The following HSDL2 variants were observed in gnomAD, a reference collection of about 807,000 sequenced individuals.
HSDL2 encodes hydroxysteroid dehydrogenase like 2, also known as hydroxysteroid dehydrogenase-like protein 2.
A neutral mutation model predicts 46.3 loss-of-function variants in HSDL2; 27 were observed. That is an observed-to-expected ratio of 0.58 (90% CI 0.43 to 0.80). HSDL2 has a LOEUF of 0.80. Among genes scored for constraint, HSDL2 ranks in the 30% least tolerant of loss-of-function variants. HSDL2 has a pLI of 0.00. For synonymous variants in HSDL2, 153 were observed against 163.6 expected (o/e 0.94, Z 0.50); for missense variants, 451 against 502.7 (o/e 0.90, Z 0.98).
chr9:112,413,936 A>C, intron 4 of HSDL2: 1 of 203,444 alleles, frequency 4.9e-6, no homozygotes, highest in South Asian at 6.8e-5. Flanking sequence ...GACGTTCTGT[A>C]TTTGTCCCGG....
At position 112,402,815 on chromosome 9, in the gene HSDL2, GGAGGCTGAAGCAGGAGAATTGTTT is replaced by G. The variant is rs1030604157; in HGVS notation, c.18-1158_18-1135del. On this transcript the variant is annotated intron_variant, in intron 1 of 10. Coordinates refer to ENST00000398805, the MANE Select transcript of HSDL2 (RefSeq NM_032303.5). ...CCACGCCTGTAGTCCCAGCTACTTG[GGAGGCTGAAGCAGGAGAATTGTTT>G]GAGGCTGAAGCAGGAGAATTGCTTG... Among the ~76,000 whole-genome samples, 13 of 152,200 alleles carry G rather than the reference GGAGGCTGAAGCAGGAGAATTGTTT, an allele frequency of 8.5e-5. No homozygotes were observed. The East Asian group carries it at 1.6e-3, about 18-fold the overall frequency.
intron 9 of HSDL2, among the ~76,000 whole-genome samples, chr9:112,457,263 A>C (rs1833060292): frequency 6.6e-6 from 1 of 152,236 alleles, no homozygotes; most frequent in Non-Finnish European, 1.5e-5. Context: ...GCAGGATTAT[A>C]CTTTGGTTGT....
intron 1 of HSDL2, among the ~76,000 whole-genome samples, chr9:112,381,088 T>TACACACACACACAC (rs111459650): frequency 0.093 from 12,516 of 134,070 alleles, 626 homozygotes; most frequent in Admixed American, 0.11. Context: ...TACATCCGGA[T>TACACACACACACAC]ACACACACAC....
chr9:112,419,533 G>T (rs1324386934), intron 6 of HSDL2, among the ~76,000 whole-genome samples: 2 of 151,948 alleles, frequency 1.3e-5, no homozygotes, highest in African/African-American at 4.8e-5. Flanking sequence ...TCTTTTGAAG[G>T]CCAACAGGAG....
At position 112,441,760 on chromosome 9, in the gene HSDL2, G is replaced by C; in HGVS notation, c.855G>C (p.Val285=). ...DEYPEAVSKK[V]ESTGAVPEFK... is the part of the protein sequence containing the mutation. ...ACCCAGAAGCAGTTAGCAAGAAAGT[G>C]GAATCAACTGGTAAGATCTAGACTA... is the stretch of plus-strand genomic sequence containing the variant. Residue 285 remains valine (V), a synonymous_variant, in exon 8 of 11, where the codon GTG becomes GTC. Coordinates refer to ENST00000398805, the MANE Select transcript of HSDL2 (RefSeq NM_032303.5). 6.3e-7 allele frequency: 1 copy of C among 1,589,140 alleles called. No homozygotes were observed.
At chr9:112,440,943 G>T in intron 7 of HSDL2, among the ~76,000 whole-genome samples, 1 of 152,224 alleles carries the variant, frequency 6.6e-6, no homozygotes, top group South Asian at 2.1e-4. Context: ...GGGAGGCAGA[G>T]GGTGCCATGA....
chr9:112,418,420 A>G (rs2132642684), intron 5 of HSDL2, among the ~76,000 whole-genome samples: 1 of 151,992 alleles, frequency 6.6e-6, no homozygotes, highest in Middle Eastern at 3.4e-3. Flanking sequence ...TGTCTCTACA[A>G]AAAAATTGAA....
chr9:112,427,032 T>C (rs1291767899), intron 6 of HSDL2, among the ~76,000 whole-genome samples: 1 of 152,018 alleles, frequency 6.6e-6, no homozygotes, highest in African/African-American at 2.4e-5. Flanking sequence ...AGATTATTAT[T>C]ATATTATTAA....
rs1296419812 is a variant in HSDL2 at position 112,470,652 on chromosome 9, C to T, written c.*108C>T. On this transcript the variant is annotated 3_prime_UTR_variant, in exon 11 of 11. Coordinates refer to ENST00000398805, the MANE Select transcript of HSDL2 (RefSeq NM_032303.5). ...TCCTGTTATATTATAAGGATATGCACGTTTGTTCTGGAAAAGATAGAATTT... is the reference window on the plus strand; with the variant it reads ...TCCTGTTATATTATAAGGATATGCATGTTTGTTCTGGAAAAGATAGAATTT... The T allele has an allele frequency of 2.4e-5, 14 of 595,176 alleles. No homozygotes were observed. The highest frequency in any genetic ancestry group is 4.6e-5 in the South Asian group (2 of 43,316). 36.9% of individuals were successfully genotyped at this position (595,176 alleles called of 1,614,324 possible).
chr9:112,447,156 GAGCCTGTGTCAGGGACTACC>G (rs1432398154), intron 8 of HSDL2, among the ~76,000 whole-genome samples: 3 of 152,162 alleles, frequency 2.0e-5, no homozygotes, highest in African/African-American at 7.2e-5. Flanking sequence ...GAAGTTAGGA[GAGCCTGTGTCAGGGACTACC>G]AGCCATATGT....
intron 10 of HSDL2, among the ~76,000 whole-genome samples, chr9:112,468,325 C>T (rs1833453835): frequency 6.6e-6 from 1 of 152,142 alleles, no homozygotes; most frequent in Non-Finnish European, 1.5e-5. Context: ...TTTCTCTCTT[C>T]TGACTTTCTG....
rs1831232294 is a variant in HSDL2, at chr9:112,387,015, C to G, written c.17+6835C>G. ...TGTAATGTGAGGTCCTTATTGGATC[C>G]TGATTTGATCAGGCCAACCATAAGA... On this transcript the variant is annotated intron_variant, in intron 1 of 10. Transcript: ENST00000398805. 2.0e-5 allele frequency among the ~76,000 whole-genome samples: 3 copies of G among 152,048 alleles called. No individual in the cohort carries two copies. In the South Asian group the frequency reaches 6.2e-4, roughly 32 times the overall value.
intron 3 of HSDL2, among the ~76,000 whole-genome samples, chr9:112,407,223 T>C (rs898771275): frequency 2.6e-5 from 4 of 152,184 alleles, no homozygotes; most frequent in Admixed American, 1.3e-4. Flanking sequence ...GTCCAACTGA[T>C]AGGGCGCTAA....
At chr9:112,380,490 G>A (rs1452840004) in intron 1 of HSDL2, among the ~76,000 whole-genome samples, 1 of 152,212 alleles carries the variant, frequency 6.6e-6, no homozygotes, top group Non-Finnish European at 1.5e-5. Flanking sequence ...GCAGGAGTGC[G>A]TGCCTGGCCG....
At chr9:112,391,109 G>A (rs928493944) in intron 1 of HSDL2, among the ~76,000 whole-genome samples, 1 of 151,850 alleles carries the variant, frequency 6.6e-6, no homozygotes, top group Admixed American at 6.6e-5. Context: ...CCAGGAGACA[G>A]AGGTTGCAGT....
In HSDL2 at chr9:112,404,083, A is replaced by C; in HGVS notation, c.106A>C (p.Asn36His). 4 of 1,614,172 alleles carry C rather than the reference A, an allele frequency of 2.5e-6. No individual in the cohort carries two copies. The highest frequency in any genetic ancestry group is 3.4e-6 in the Non-Finnish European group (4 of 1,180,004). ...ATTGAAAGCAGCAAAGGATGGAGCAAATATTGTTATTGCTGCAAAGACCGC... is the reference window on the plus strand; with the variant it reads ...ATTGAAAGCAGCAAAGGATGGAGCACATATTGTTATTGCTGCAAAGACCGC... ...IALKAAKDGA[N>H]IVIAAKTAQP... The change falls in exon 2 of 11, where the codon AAT becomes CAT. Residue 36 changes from asparagine to histidine, a missense_variant. Transcript: ENST00000398805.
At chr9:112,470,361 C>T (rs575747411) in intron 10 of HSDL2, 71 bp from the exon 11 acceptor site, 71 of 845,568 alleles carry the variant, frequency 8.4e-5, no homozygotes, top group South Asian at 5.8e-4. Context: ...TTTTACAATG[C>T]GTGTTCTTAA....
chr9:112,405,544 T>C, intron 2 of HSDL2, 80 bp from the exon 3 acceptor site: 1 of 985,042 alleles, frequency 1.0e-6, no homozygotes, highest in Non-Finnish European at 1.5e-6. Flanking sequence ...GGTACTTTTT[T>C]CTTTTGACTG....
intron 4 of HSDL2, among the ~76,000 whole-genome samples, chr9:112,412,748 G>A (rs1317827630): frequency 1.3e-5 from 2 of 152,062 alleles, no homozygotes; most frequent in Non-Finnish European, 2.9e-5. Flanking sequence ...CCTATATTGA[G>A]GTCATTTTTC....
Sources: allele counts gnomAD v4.1 joint callset (sites outside exome capture counted in the v4.1 genomes callset), GRCh38; gene constraint gnomAD v4.1.1; transcripts MANE v1.5; gene names NCBI Gene and HGNC (gene_info 2026-07-23, HGNC 2026-07-21).